Variants in KLF11 observed in about 807,000 individuals in gnomAD.
KLF11 encodes KLF transcription factor 11.
A neutral mutation model predicts 29.9 loss-of-function variants in KLF11; 26 were observed. That is an observed-to-expected ratio of 0.87 (90% CI 0.64 to 1.21). The LOEUF (loss-of-function observed/expected upper bound fraction) is 1.21. Ranked by LOEUF, KLF11 falls within the 50% of genes most tolerant of loss-of-function variation. The pLI is 0.00. For missense variants in KLF11, 778 were observed against 665.7 expected (o/e 1.17, Z -1.86); for synonymous variants, 318 against 257.4 (o/e 1.24, Z -2.25).
In KLF11 at chr2:10,048,047, A is replaced by G. The variant is rs1355008747; in HGVS notation, c.710A>G (p.Lys237Arg). The G allele has an allele frequency of 2.5e-6, 4 of 1,614,186 alleles. No individual in the cohort carries two copies. The highest frequency in any genetic ancestry group is 3.4e-6 in the Non-Finnish European group (4 of 1,180,026). The change falls in exon 3 of 4, where the codon AAG (lysine) becomes AGG (arginine). Residue 237 changes from lysine to arginine, a missense_variant. Physicochemically the swap from Lys to Arg is conservative, Grantham distance 26. Coordinates refer to ENST00000305883, the MANE Select transcript of KLF11 (RefSeq NM_003597.5). ...GTGTCCTGTCAGCCCTGCTTGCACA[A>G]GTCTGGTGGCCTGCTGCTCACTGAC... ...NLVSCQPCLH[K>R]SGGLLLTDKG...
rs755004136 is a variant in KLF11 at position 10,048,130 on chromosome 2, G to GAA, written c.796_797dup (p.Asn266LysfsTer11). 6.2e-7 allele frequency: 1 copy of GAA among 1,614,204 alleles called. No individual in the cohort carries two copies. The highest frequency in any genetic ancestry group is 1.1e-5 in the South Asian group (1 of 91,086). On this transcript the variant is annotated frameshift_variant, in exon 3 of 4. Transcript: ENST00000305883. LOFTEE classifies it high-confidence loss of function. Reference sequence around the variant, plus strand: ...TCAGACTTGCTCACCAAAGAATTATGAAAATGACCTGCCCAGGAAAACCAC... The same window carrying GAA: ...TCAGACTTGCTCACCAAAGAATTATGAAAAAATGACCTGCCCAGGAAAACCAC...
At position 10,048,431 on chromosome 2, in the gene KLF11, AGTT is replaced by A; in HGVS notation, c.1099_1101del (p.Leu367del). 3.7e-6 allele frequency: 6 copies of A among 1,614,062 alleles called. No homozygotes were observed. The highest frequency in any genetic ancestry group is 5.1e-6 in the Non-Finnish European group (6 of 1,180,006). ...AATGTCATGGCTGCCGGGAATACCAAGTTGTTGCCCCTTGCCCCTGCTCCAGTG... is the reference window on the plus strand; with the variant it reads ...AATGTCATGGCTGCCGGGAATACCAAGTTGCCCCTTGCCCCTGCTCCAGTG... On this transcript the variant is annotated inframe_deletion, in exon 3 of 4. Coordinates refer to ENST00000305883, the MANE Select transcript of KLF11 (RefSeq NM_003597.5).
chr2:10,049,928 T>C (rs114498686), intron 3 of KLF11, among the ~76,000 whole-genome samples: 4,620 of 152,296 alleles, frequency 0.03, 105 homozygotes, highest in Non-Finnish European at 0.048. Flanking sequence ...GCTTGTTGAC[T>C]TGGTGAGCTC....
intron 1 of KLF11, chr2:10,044,285 C>A (rs939393166): frequency 6.1e-6 from 6 of 984,334 alleles, no homozygotes; most frequent in Non-Finnish European, 7.2e-6. Context: ...GCCGCACTGC[C>A]TTGGAGGCGG....
In KLF11 at chr2:10,053,338, A is replaced by G. The variant is rs1661464615; in HGVS notation, c.*831A>G. On this transcript the variant is annotated 3_prime_UTR_variant, in exon 4 of 4. Coordinates refer to ENST00000305883, the MANE Select transcript of KLF11 (RefSeq NM_003597.5). Reference sequence around the variant, plus strand: ...TGGCTCTGCTGAAAGCAAGCCATTCAGTTTCTTGTTTGTACCTAAAACACC... The same window carrying G: ...TGGCTCTGCTGAAAGCAAGCCATTCGGTTTCTTGTTTGTACCTAAAACACC... 5.0e-6 allele frequency: 2 copies of G among 398,558 alleles called. No homozygotes were observed. The highest frequency in any genetic ancestry group is 8.8e-6 in the Non-Finnish European group (2 of 226,090). 24.7% of individuals were successfully genotyped at this position (398,558 alleles called of 1,614,324 possible).
In KLF11 at chr2:10,048,874, C is replaced by T. The variant is rs912328999; in HGVS notation, c.1258+279C>T. ...TAGCTTTTAGAGTGACTTACAGTGCCCCCTTCTGTTCACATTGCAGTAGAC... is the reference window on the plus strand; with the variant it reads ...TAGCTTTTAGAGTGACTTACAGTGCTCCCTTCTGTTCACATTGCAGTAGAC... On this transcript the variant is annotated intron_variant, in intron 3 of 3. Coordinates refer to ENST00000305883, the MANE Select transcript of KLF11 (RefSeq NM_003597.5). 3.3e-5 allele frequency among the ~76,000 whole-genome samples: 5 copies of T among 150,418 alleles called. No homozygotes were observed. The East Asian group carries it at 9.7e-4, about 29-fold the overall frequency.
chr2:10,044,217 G>T (rs999154279), intron 1 of KLF11: 281 of 893,462 alleles, frequency 3.1e-4, no homozygotes, highest in Non-Finnish European at 3.4e-4. Flanking sequence ...CGGTAGTGCC[G>T]CTCGGGCCTG....
chr2:10,052,503 C>T lies in KLF11; in HGVS notation c.1535C>T (p.Ala512Val), dbSNP rs1361291071. 1 of 1,613,726 alleles carries T rather than the reference C, an allele frequency of 6.2e-7. No individual in the cohort carries two copies. Among genetic ancestry groups the T allele is most frequent in the African/African-American group, 1.3e-5 (1 of 75,006 alleles). ...CCACTGGTGAGCATGCCAGCCTCTG[C>T]CTGAAAGGTCCATTAGGACATCACT... Reference protein sequence around the residue: ...GSPLVSMPASA With the variant: ...GSPLVSMPASV Residue 512 changes from alanine (A) to valine (V), a missense_variant, in exon 4 of 4, where the codon GCC (alanine) becomes GTC (valine). Ala to Val is a moderately conservative substitution (Grantham distance 64, BLOSUM62 0). Coordinates refer to ENST00000305883, the MANE Select transcript of KLF11 (RefSeq NM_003597.5).
intron 2 of KLF11, 51 bp downstream of exon 2, chr2:10,046,470 T>C (rs1661207489): frequency 6.3e-7 from 1 of 1,587,924 alleles, no homozygotes; most frequent in African/African-American, 1.3e-5. Flanking sequence ...CTAGAGTAGC[T>C]GAACTCAGTG....
rs553083479 is a variant in KLF11, at chr2:10,048,332, C to T, written c.995C>T (p.Pro332Leu). The change falls in exon 3 of 4, where the codon CCT (proline) becomes CTT (leucine). Residue 332 changes from proline to leucine, a missense_variant. Transcript: ENST00000305883. ...GCGCCTCAACCTGTGTTCGTGGGAC[C>T]TGCTGTGCCTCAGGGAGCTGTGATG... ...APAPQPVFVGPAVPQGAVMLV... is the reference protein window; with the variant it reads ...APAPQPVFVGLAVPQGAVMLV... The T allele has an allele frequency of 1.9e-6, 3 of 1,603,336 alleles. No individual in the cohort carries two copies. The highest frequency in any genetic ancestry group is 3.4e-5 in the Admixed American group (2 of 59,564).
Position 10,052,185 on chromosome 2 carries a change from A to C in KLF11, c.1259-42A>C, listed in dbSNP as rs770463829. 3 of 1,591,098 alleles carry C rather than the reference A, an allele frequency of 1.9e-6. No individual in the cohort carries two copies. The South Asian group carries it at 3.3e-5, about 18-fold the overall frequency. ...AATTAACCCCTTGAATAAGGTGCTT[A>C]GCGTTTCCTTTCTCTTTAATATGTA... On this transcript the variant is annotated intron_variant, in intron 3 of 3. Transcript: ENST00000305883.
At position 10,043,571 on chromosome 2, in the gene KLF11, C is replaced by T. The variant is rs886054717; in HGVS notation, c.-146C>T. 139 of 389,038 alleles carry T rather than the reference C, an allele frequency of 3.6e-4. No homozygotes were observed. The highest frequency in any genetic ancestry group is 4.5e-4 in the Non-Finnish European group (130 of 288,178). 24.1% of individuals were successfully genotyped at this position (389,038 alleles called of 1,614,324 possible). On this transcript the variant is annotated 5_prime_UTR_variant, in exon 1 of 4. Transcript: ENST00000305883. ...CCGCGCCGCGAGGGCCGCGCCGGGG[C>T]AGAGCCGCGCGGGCGGGCGAGGCGC...
In KLF11 at chr2:10,046,251, C is replaced by G. The variant is rs891591532; in HGVS notation, c.144C>G (p.Val48=). Residue 48 remains valine (V), a synonymous_variant, in exon 2 of 4, where the codon GTC becomes GTG. Coordinates refer to ENST00000305883, the MANE Select transcript of KLF11 (RefSeq NM_003597.5). ...SILEQTDMEA[V]EALVCMSSWG... is the part of the protein sequence containing the mutation. Reference sequence around the variant, plus strand: ...TGGAGCAGACAGACATGGAAGCTGTCGAGGCTCTTGTTTGTATGAGCTCCT... The same window carrying G: ...TGGAGCAGACAGACATGGAAGCTGTGGAGGCTCTTGTTTGTATGAGCTCCT... 1.2e-6 allele frequency: 2 copies of G among 1,614,004 alleles called. No homozygotes were observed. The highest frequency in any genetic ancestry group is 8.5e-7 in the Non-Finnish European group (1 of 1,180,038).
intron 1 of KLF11, among the ~76,000 whole-genome samples, chr2:10,044,717 C>G (rs1661129755): frequency 6.7e-6 from 1 of 150,022 alleles, no homozygotes; most frequent in African/African-American, 2.5e-5. Context: ...CGCGCGATCT[C>G]GGCCCACTGT....
In KLF11 at chr2:10,053,473, G is replaced by C. The variant is rs1661468982; in HGVS notation, c.*966G>C. Reference sequence around the variant, plus strand: ...GGTAGAGTAACTTCTCAGAAAAAAAGGAAATGTCTGTATTGGTTGGATGAA... The same window carrying C: ...GGTAGAGTAACTTCTCAGAAAAAAACGAAATGTCTGTATTGGTTGGATGAA... On this transcript the variant is annotated 3_prime_UTR_variant, in exon 4 of 4. Coordinates refer to ENST00000305883, the MANE Select transcript of KLF11 (RefSeq NM_003597.5). 2.5e-6 allele frequency: 1 copy of C among 398,640 alleles called. No homozygotes were observed. The highest frequency in any genetic ancestry group is 4.4e-6 in the Non-Finnish European group (1 of 226,068). 24.7% of individuals were successfully genotyped at this position (398,640 alleles called of 1,614,324 possible).
chr2:10,048,601 CGCTGGGGCA>C lies in KLF11; in HGVS notation c.1258+8_1258+16del, dbSNP rs777483271. Reference sequence around the variant, plus strand: ...CCATCTTCGCACTCACACAGGTAAGCGCTGGGGCAGGTGGGGCATTGGGCACACCAGACC... The same window carrying C: ...CCATCTTCGCACTCACACAGGTAAGCGGTGGGGCATTGGGCACACCAGACC... On this transcript the variant is annotated splice_region_variant and intron_variant, in intron 3 of 3. Coordinates refer to ENST00000305883, the MANE Select transcript of KLF11 (RefSeq NM_003597.5). 6.3e-7 allele frequency: 1 copy of C among 1,593,936 alleles called. No individual in the cohort carries two copies. The highest frequency in any genetic ancestry group is 8.5e-7 in the Non-Finnish European group (1 of 1,173,802).
rs1661458317 is a variant in KLF11 at position 10,053,146 on chromosome 2, G to A, written c.*639G>A. On this transcript the variant is annotated 3_prime_UTR_variant, in exon 4 of 4. Transcript: ENST00000305883. ...TCATAACGTTTTCAAGGAAATTCTAGGCAATCATTCCTGTCACCAAAGAAC... is the reference window on the plus strand; with the variant it reads ...TCATAACGTTTTCAAGGAAATTCTAAGCAATCATTCCTGTCACCAAAGAAC... 2.5e-6 allele frequency: 1 copy of A among 396,086 alleles called. No homozygotes were observed. The highest frequency in any genetic ancestry group is 4.4e-6 in the Non-Finnish European group (1 of 225,550). The allele number at this position is 396,086 out of a possible 1,614,324, so 24.5% of individuals were successfully genotyped here. A position where few individuals can be genotyped will look rare whatever the true frequency, so the allele number is the denominator to read the frequency against.
At position 10,052,232 on chromosome 2, in the gene KLF11, A is replaced by C; in HGVS notation, c.1264A>C (p.Lys422Gln). The change falls in exon 4 of 4, where the codon AAG becomes CAG. Residue 422 changes from lysine (K) to glutamine (Q), a missense_variant. By Grantham distance (53) the Lys-to-Gln change is moderately conservative. Coordinates refer to ENST00000305883, the MANE Select transcript of KLF11 (RefSeq NM_003597.5). ...TGTATTTTCTCACCTCACAGGGGAG[A>C]AGCCTTTCAACTGCAGCTGGGATGG... ...KAHLRTHTGE[K>Q]PFNCSWDGCD... The C allele has an allele frequency of 6.2e-7, 1 of 1,614,038 alleles. No individual in the cohort carries two copies. Among genetic ancestry groups the C allele is most frequent in the Non-Finnish European group, 8.5e-7 (1 of 1,179,982 alleles).
intron 1 of KLF11, among the ~76,000 whole-genome samples, chr2:10,045,658 G>C (rs1442917463): frequency 6.6e-6 from 1 of 152,262 alleles, no homozygotes; most frequent in African/African-American, 2.4e-5. Flanking sequence ...AGTGCTGGAA[G>C]CCTAGGCGGA....
Sources: allele counts gnomAD v4.1 joint callset (sites outside exome capture counted in the v4.1 genomes callset), GRCh38; gene constraint gnomAD v4.1.1; transcripts MANE v1.5; gene names NCBI Gene and HGNC (gene_info 2026-07-23, HGNC 2026-07-21).